Variants in OPCML observed in about 807,000 individuals in gnomAD.
The protein encoded by OPCML is opioid binding protein/cell adhesion molecule like, also known as opioid-binding protein/cell adhesion molecule.
In OPCML, 13 loss-of-function variants were observed where a neutral mutation model predicts 37.8. The ratio of observed to expected loss-of-function variants is 0.34; its 90% CI spans 0.22 to 0.55. The LOEUF is 0.55. Among genes scored for constraint, OPCML ranks in the 20% least tolerant of loss-of-function variants. The pLI, the probability that OPCML is intolerant of heterozygous loss-of-function variation, is 0.91. For synonymous variants in OPCML, 176 were observed against 168.8 expected, an observed-to-expected ratio of 1.04 and a Z score of -0.33; for missense variants, 341 against 435.6, an observed-to-expected ratio of 0.78 and a Z score of 1.93.
rs66467384 is a variant in OPCML at position 132,579,385 on chromosome 11, ATGTGTG to A, written c.380-50205_380-50200del. Among the ~76,000 whole-genome samples, 203 of 146,628 alleles carry A rather than the reference ATGTGTG, an allele frequency of 1.4e-3. 2 individuals carry two copies. In the South Asian group the frequency reaches 0.027, roughly 20 times the overall value. ...AGGAGACAGGGAAGTTAGAATGAATATGTGTGTGTGTGTGTGTGTGTGTGTGTGTGT... is the reference window on the plus strand; with the variant it reads ...AGGAGACAGGGAAGTTAGAATGAATATGTGTGTGTGTGTGTGTGTGTGTGT... On this transcript the variant is annotated intron_variant, in intron 3 of 7. Transcript: ENST00000524381.
chr11:132,916,847 G>T (rs1369917930), intron 2 of OPCML, among the ~76,000 whole-genome samples: 1 of 152,186 alleles, frequency 6.6e-6, no homozygotes, highest in Non-Finnish European at 1.5e-5. Context: ...GTCGGCAGCA[G>T]CATGGGGTGC....
chr11:132,668,030 A>G (rs148978411), intron 2 of OPCML, among the ~76,000 whole-genome samples: 121 of 152,344 alleles, frequency 7.9e-4, no homozygotes, highest in Middle Eastern at 3.4e-3. Context: ...TTGAATAAAA[A>G]TAGTGAAGAT....
At chr11:133,030,404 T>C in intron 1 of OPCML, among the ~76,000 whole-genome samples, 1 of 152,204 alleles carries the variant, frequency 6.6e-6, no homozygotes, top group African/African-American at 2.4e-5. Context: ...GAAAGGTCTG[T>C]GCTCATGCTC....
At chr11:133,168,701 G>A (rs1212297260) in intron 1 of OPCML, among the ~76,000 whole-genome samples, 1 of 152,196 alleles carries the variant, frequency 6.6e-6, no homozygotes, top group Non-Finnish European at 1.5e-5. Context: ...GTAAAGATCA[G>A]TATGCAAACA....
intron 2 of OPCML, among the ~76,000 whole-genome samples, chr11:132,829,071 C>T (rs1384493687): frequency 6.6e-6 from 1 of 152,182 alleles, no homozygotes; most frequent in Non-Finnish European, 1.5e-5. Context: ...ACACATTACT[C>T]AAAACTTGCC....
intron 1 of OPCML, among the ~76,000 whole-genome samples, chr11:133,303,039 T>C (rs1270509030): frequency 6.6e-6 from 1 of 152,226 alleles, no homozygotes; most frequent in Non-Finnish European, 1.5e-5. Context: ...ATATCGGTTA[T>C]TGAGCAAAAT....
intron 1 of OPCML, among the ~76,000 whole-genome samples, chr11:133,440,044 A>T (rs1303269107): frequency 6.6e-6 from 1 of 152,184 alleles, no homozygotes; most frequent in Admixed American, 6.5e-5. Flanking sequence ...GAGTAAACCA[A>T]CAAACTTTTT....
At chr11:132,599,084 G>C (rs1270047464) in intron 3 of OPCML, among the ~76,000 whole-genome samples, 2 of 152,096 alleles carry the variant, frequency 1.3e-5, no homozygotes, top group Non-Finnish European at 2.9e-5. Context: ...TTCAAGATGA[G>C]CCTGGCCAAC....
At chr11:132,803,254 C>T (rs1272111010) in intron 2 of OPCML, among the ~76,000 whole-genome samples, 1 of 152,194 alleles carries the variant, frequency 6.6e-6, no homozygotes, top group South Asian at 2.1e-4. Context: ...TAGAAATACG[C>T]TCCTTGAAGA....
At chr11:133,160,571 C>T (rs556699853) in intron 1 of OPCML, among the ~76,000 whole-genome samples, 1 of 152,370 alleles carries the variant, frequency 6.6e-6, no homozygotes, top group Non-Finnish European at 1.5e-5. Flanking sequence ...AGGCTTCCTG[C>T]TACATTGGCC....
chr11:132,584,854 A>G (rs981141710), intron 3 of OPCML, among the ~76,000 whole-genome samples: 1 of 152,350 alleles, frequency 6.6e-6, no homozygotes, highest in East Asian at 1.9e-4. Flanking sequence ...ACATGGTTAG[A>G]TAACATTTAT....
At chr11:133,082,788 C>T (rs903227664) in intron 1 of OPCML, among the ~76,000 whole-genome samples, 2 of 148,058 alleles carry the variant, frequency 1.4e-5, no homozygotes, top group Admixed American at 6.7e-5. Context: ...CGCCCCGGCG[C>T]CTGGGCCTCC....
chr11:132,781,826 A>G (rs1947029882), intron 2 of OPCML, among the ~76,000 whole-genome samples: 1 of 151,350 alleles, frequency 6.6e-6, no homozygotes, highest in African/African-American at 2.4e-5. Flanking sequence ...GCCAGAGCTC[A>G]ATACAAATTT....
intron 1 of OPCML, among the ~76,000 whole-genome samples, chr11:133,314,557 GAAAAAAA>G (rs58045536): frequency 7.1e-6 from 1 of 140,950 alleles, no homozygotes; most frequent in Non-Finnish European, 1.6e-5. Flanking sequence ...TCCATAATAA[GAAAAAAA>G]AAAAAAAGAA....
intron 1 of OPCML, among the ~76,000 whole-genome samples, chr11:132,948,634 C>T (rs1051771169): frequency 1.3e-5 from 2 of 152,070 alleles, no homozygotes; most frequent in African/African-American, 4.8e-5. Flanking sequence ...CCAGAATTAG[C>T]AAGACCTAGG....
chr11:133,522,936 C>T (rs1036448455), intron 1 of OPCML, among the ~76,000 whole-genome samples: 3 of 152,044 alleles, frequency 2.0e-5, no homozygotes, highest in South Asian at 2.1e-4. Flanking sequence ...GGGGTCTAGG[C>T]GGTGGGCCAT....
At chr11:133,164,699 C>T (rs1204403734) in intron 1 of OPCML, among the ~76,000 whole-genome samples, 1 of 152,178 alleles carries the variant, frequency 6.6e-6, no homozygotes, top group East Asian at 1.9e-4. Context: ...ATTTATTCCT[C>T]AATAATTCCA....
At chr11:133,034,910 C>T (rs58345984) in intron 1 of OPCML, among the ~76,000 whole-genome samples, 11 of 151,726 alleles carry the variant, frequency 7.2e-5, no homozygotes, top group African/African-American at 2.2e-4. Context: ...GCACGGGCAC[C>T]GGCAGAGACA....
At chr11:133,042,733 G>C (rs749813539) in intron 1 of OPCML, among the ~76,000 whole-genome samples, 1 of 152,120 alleles carries the variant, frequency 6.6e-6, no homozygotes, top group Non-Finnish European at 1.5e-5. Context: ...GTTTCCAAAC[G>C]TTATCGGAGG....
Sources: gnomAD v4.1 joint callset for allele counts (sites outside exome capture counted in the v4.1 genomes callset) on GRCh38, gnomAD v4.1.1 for gene constraint, MANE v1.5 for transcripts, NCBI Gene and HGNC (gene_info 2026-07-23, HGNC 2026-07-21) for gene names.